PER3: variants seen among roughly 807,000 people sequenced by gnomAD.
PER3 encodes period circadian regulator 3.
Under a neutral mutation model 127.2 loss-of-function variants are expected in PER3, and 107 were observed. The observed-to-expected ratio is 0.84, with a 90% CI of 0.72 to 0.99. The LOEUF is 0.99. PER3 is among the 50% of genes least tolerant of loss of function. PER3 has a pLI of 0.00. For missense variants in PER3, 1,560 were observed against 1,525.8 expected (o/e 1.02, Z -0.37); for synonymous variants, 618 against 585.8 (o/e 1.05, Z -0.79).
intron 21 of PER3, among the ~76,000 whole-genome samples, chr1:7,838,700 T>G (rs1423315549): frequency 1.3e-5 from 2 of 152,218 alleles, no homozygotes; most frequent in Non-Finnish European, 2.9e-5. Flanking sequence ...TGAATTTGAC[T>G]ACTCTGCACA....
rs902781558 is a variant in PER3 at position 7,794,035 on chromosome 1, G to T, written c.644+27G>T. 1.9e-6 allele frequency: 3 copies of T among 1,580,752 alleles called. No individual in the cohort carries two copies. The East Asian group carries it at 6.7e-5, about 35-fold the overall frequency. ...TAAGTATAGTGGCTCGTGGAAGCCA[G>T]CAACAGTGGATTATGTTCTGAGTTT... On this transcript the variant is annotated intron_variant, in intron 6 of 21. Coordinates refer to ENST00000377532, the MANE Select transcript of PER3 (RefSeq NM_001377275.1).
intron 13 of PER3, among the ~76,000 whole-genome samples, chr1:7,812,566 A>T (rs1444666294): frequency 2.2e-5 from 3 of 138,410 alleles, no homozygotes; most frequent in African/African-American, 8.0e-5. Context: ...TGGAGCTTGC[A>T]GTGAGCCGAG....
intron 5 of PER3, among the ~76,000 whole-genome samples, chr1:7,792,124 CTG>C (rs1169405181): frequency 1.3e-5 from 2 of 152,178 alleles, no homozygotes; most frequent in African/African-American, 2.4e-5. Context: ...ATACCCAAGA[CTG>C]GGTAATTTCT....
intron 6 of PER3, among the ~76,000 whole-genome samples, chr1:7,797,565 G>A (rs2097151008): frequency 6.6e-6 from 1 of 151,952 alleles, no homozygotes; most frequent in African/African-American, 2.4e-5. Context: ...GCACCCAGGA[G>A]GTGGAGGTTG....
intron 21 of PER3, among the ~76,000 whole-genome samples, chr1:7,841,636 C>T (rs999653347): frequency 6.6e-6 from 1 of 152,136 alleles, no homozygotes; most frequent in Non-Finnish European, 1.5e-5. Context: ...CAGTTGTTGT[C>T]TAGGTGAGGA....
intron 12 of PER3, 64 bp downstream of exon 12, chr1:7,810,085 A>G (rs2097212795): frequency 7.1e-7 from 1 of 1,401,016 alleles, no homozygotes; most frequent in Admixed American, 2.0e-5. Context: ...TCGGTTCTGA[A>G]TGTGGTGACA....
At chr1:7,814,845 A>G (rs1202023008) in intron 13 of PER3, among the ~76,000 whole-genome samples, 2 of 152,230 alleles carry the variant, frequency 1.3e-5, no homozygotes, top group Non-Finnish European at 2.9e-5. Flanking sequence ...TATTTGAAAC[A>G]GTATTTTATT....
chr1:7,822,230 ACT>A (rs2097280034), intron 16 of PER3, among the ~76,000 whole-genome samples: 1 of 150,192 alleles, frequency 6.7e-6, no homozygotes, highest in Non-Finnish European at 1.5e-5. Flanking sequence ...ACATGGTGAG[ACT>A]CTGTCTACAA....
Position 7,803,278 on chromosome 1 carries a change from A to G in PER3, c.979+125A>G, listed in dbSNP as rs905936572. On this transcript the variant is annotated intron_variant, in intron 9 of 21. Coordinates refer to ENST00000377532, the MANE Select transcript of PER3 (RefSeq NM_001377275.1). ...GCATTACATTGAAGCTGCTAAAGCA[A>G]TTGTTTTCTATTTAAACATACTAAA... The G allele has an allele frequency of 8.5e-6, 6 of 702,956 alleles. No homozygotes were observed. In the African/African-American group the frequency reaches 1.0e-4, roughly 12 times the overall value. 43.5% of individuals were successfully genotyped at this position (702,956 alleles called of 1,614,324 possible).
intron 13 of PER3, 144 bp downstream of exon 13, chr1:7,810,732 A>G (rs1577787371): frequency 3.3e-6 from 2 of 612,858 alleles, no homozygotes; most frequent in Non-Finnish European, 5.5e-6. Context: ...TAGCAATAGT[A>G]ATAGCAATAG....
At chr1:7,807,422 C>T (rs1331744754) in intron 10 of PER3, among the ~76,000 whole-genome samples, 1 of 152,206 alleles carries the variant, frequency 6.6e-6, no homozygotes, top group African/African-American at 2.4e-5. Flanking sequence ...ATACTGTCAG[C>T]ATCCTATGAT....
Position 7,844,065 on chromosome 1 carries a change from TA to T in PER3, c.*1311del. On this transcript the variant is annotated 3_prime_UTR_variant, in exon 22 of 22. Transcript: ENST00000377532. Reference sequence around the variant, plus strand: ...TTTCCTTTTTTTGTTTTTGGTTTTTTATGGTTTTTTAAGGAAAATACTTTTC... The same window carrying T: ...TTTCCTTTTTTTGTTTTTGGTTTTTTTGGTTTTTTAAGGAAAATACTTTTC... 1 of 853,262 alleles carries T rather than the reference TA, an allele frequency of 1.2e-6. No individual in the cohort carries two copies. Among genetic ancestry groups the T allele is most frequent in the Non-Finnish European group, 1.5e-6 (1 of 670,342 alleles). 52.9% of individuals were successfully genotyped at this position (853,262 alleles called of 1,614,324 possible). A position where few individuals can be genotyped will look rare whatever the true frequency, so the allele number is the denominator to read the frequency against.
chr1:7,822,564 T>A (rs1406856883), intron 16 of PER3, among the ~76,000 whole-genome samples: 1 of 152,132 alleles, frequency 6.6e-6, no homozygotes, highest in Non-Finnish European at 1.5e-5. Flanking sequence ...TAAAATAATT[T>A]TTTAAAAGAT....
chr1:7,832,960 C>T (rs992605153), intron 19 of PER3, among the ~76,000 whole-genome samples: 1 of 151,856 alleles, frequency 6.6e-6, no homozygotes, highest in African/African-American at 2.4e-5. Context: ...GCCTCAGCTT[C>T]CTGAGTAGCT....
In PER3 at chr1:7,798,579, C is replaced by G. The variant is rs1577692187; in HGVS notation, c.699C>G (p.Pro233=). 9 of 1,612,998 alleles carry G rather than the reference C, an allele frequency of 5.6e-6. No homozygotes were observed. The highest frequency in any genetic ancestry group is 6.8e-6 in the Non-Finnish European group (8 of 1,179,074). Residue 233 remains proline (P), a synonymous_variant, in exon 7 of 22, where the codon CCC becomes CCG. Coordinates refer to ENST00000377532, the MANE Select transcript of PER3 (RefSeq NM_001377275.1). ...GTCACTCCCCATTCCGGATCATCCC[C>G]TATCTGATTCATGTACATCACCCTG... The part of the protein sequence containing the change: ...EKCHSPFRII[P]YLIHVHHPAQ...
rs2097310155 is a variant in PER3, at chr1:7,827,835, A to G, written c.2886+20A>G. ...GAGTATGTAAGTGATGCTCATTTTC[A>G]ACACTCAAGTGAGAAAGTGAATATC... On this transcript the variant is annotated intron_variant, in intron 18 of 21. Coordinates refer to ENST00000377532, the MANE Select transcript of PER3 (RefSeq NM_001377275.1). 1 of 1,552,072 alleles carries G rather than the reference A, an allele frequency of 6.4e-7. No homozygotes were observed. Among genetic ancestry groups the G allele is most frequent in the Non-Finnish European group, 8.8e-7 (1 of 1,131,952 alleles).
rs960667685 is a variant in PER3 at position 7,826,301 on chromosome 1, G to A, written c.1958-179G>A. 6.6e-6 allele frequency among the ~76,000 whole-genome samples: 1 copy of A among 152,150 alleles called. No individual in the cohort carries two copies. The highest frequency in any genetic ancestry group is 2.4e-5 in the African/African-American group (1 of 41,436). ...AACTGTAAAATGTATGTGCATTTGT[G>A]CAAAGAATATAAAGGAAGACAGAAA... On this transcript the variant is annotated intron_variant, in intron 16 of 21. Transcript: ENST00000377532. The surrounding 1 kb of genome is among the most constrained non-coding windows in gnomAD (Gnocchi z 4.2).
chr1:7,799,853 C>CA (rs2150654302), intron 7 of PER3, among the ~76,000 whole-genome samples: 1 of 152,118 alleles, frequency 6.6e-6, no homozygotes, highest in East Asian at 1.9e-4. Context: ...ATTGCAGCCT[C>CA]AGACTCCTGG....
chr1:7,832,373 T>C (rs1293188473), intron 19 of PER3, among the ~76,000 whole-genome samples: 4 of 145,020 alleles, frequency 2.8e-5, no homozygotes, highest in African/African-American at 1.0e-4. Flanking sequence ...GCTCTTTTTT[T>C]TTTTTTTTTT....
Sources: gnomAD v4.1 joint callset for allele counts (sites outside exome capture counted in the v4.1 genomes callset) on GRCh38, gnomAD v4.1.1 for gene constraint, Gnocchi (gnomAD v3.1) non-coding constraint, MANE v1.5 for transcripts, NCBI Gene and HGNC (gene_info 2026-07-23, HGNC 2026-07-21) for gene names.